Variants in YEATS2 observed in about 807,000 individuals in gnomAD.
The protein encoded by YEATS2 is YEATS domain-containing protein 2.
A neutral mutation model predicts 163.2 loss-of-function variants in YEATS2; 77 were observed. The observed-to-expected ratio is 0.47, with a 90% CI of 0.39 to 0.57. YEATS2 has a LOEUF of 0.57. Among genes scored for constraint, YEATS2 ranks in the 20% least tolerant of loss-of-function variants. The pLI, the probability that YEATS2 is intolerant of heterozygous loss-of-function variation, is 0.00. For synonymous variants in YEATS2, 631 were observed against 645.1 expected, an observed-to-expected ratio of 0.98 and a Z score of 0.33; for missense variants, 1,549 against 1,729.8, an observed-to-expected ratio of 0.90 and a Z score of 1.85.
At chr3:183,780,062 T>C (rs1222511722) in intron 19 of YEATS2, among the ~76,000 whole-genome samples, 1 of 151,862 alleles carries the variant, frequency 6.6e-6, no homozygotes, top group Non-Finnish European at 1.5e-5. Flanking sequence ...GAGAAAACTT[T>C]AAATTGCTGT....
At chr3:183,795,924 T>C (rs1725101648) in intron 21 of YEATS2, among the ~76,000 whole-genome samples, 2 of 151,938 alleles carry the variant, frequency 1.3e-5, no homozygotes. Context: ...TTCCTTTCCT[T>C]AGCTCAGACC....
At chr3:183,775,787 C>A (rs531210366) in intron 17 of YEATS2, 128 bp from the exon 18 acceptor site, 5 of 1,408,112 alleles carry the variant, frequency 3.6e-6, no homozygotes, top group Non-Finnish European at 4.9e-6. Context: ...ACAGAAAAGA[C>A]GGAGGAAAAT....
In YEATS2 at chr3:183,701,400, T is replaced by A. The variant is rs181826416; in HGVS notation, c.-20+3407T>A. 1.7e-3 allele frequency among the ~76,000 whole-genome samples: 260 copies of A among 151,136 alleles called. 2 individuals carry two copies. The highest frequency in any genetic ancestry group is 1.7e-3 in the South Asian group (8 of 4,764). Reference sequence around the variant, plus strand: ...GCGCCCGGCCGGTCAATATATATATTTTTTGAGACAGGGTCTGTCTCTGTC... The same window carrying A: ...GCGCCCGGCCGGTCAATATATATATATTTTGAGACAGGGTCTGTCTCTGTC... On this transcript the variant is annotated intron_variant, in intron 1 of 30. Coordinates refer to ENST00000305135, the MANE Select transcript of YEATS2 (RefSeq NM_018023.5).
intron 9 of YEATS2, 139 bp downstream of exon 9, chr3:183,747,855 C>G (rs1719719264): frequency 1.6e-6 from 1 of 613,526 alleles, no homozygotes; most frequent in Non-Finnish European, 2.8e-6. Flanking sequence ...TCTCGGCTCA[C>G]TGCAACCTCT....
At chr3:183,734,899 T>C (rs533135983) in intron 7 of YEATS2, among the ~76,000 whole-genome samples, 7 of 152,368 alleles carry the variant, frequency 4.6e-5, no homozygotes, top group African/African-American at 1.7e-4. Flanking sequence ...TCTAGAAGTA[T>C]TGAAGTTTGT....
intron 20 of YEATS2, among the ~76,000 whole-genome samples, chr3:183,788,344 T>C (rs1724267820): frequency 6.6e-6 from 1 of 152,146 alleles, no homozygotes; most frequent in Non-Finnish European, 1.5e-5. Flanking sequence ...TTCTTCTCTC[T>C]GTCTTCATGG....
rs1411514860 is a variant in YEATS2 at position 183,759,114 on chromosome 3, A to G, written c.1656+149A>G. The G allele has an allele frequency of 1.6e-5, 9 of 576,752 alleles. No individual in the cohort carries two copies. In the East Asian group the frequency reaches 2.0e-4, roughly 13 times the overall value. 35.7% of individuals were successfully genotyped at this position (576,752 alleles called of 1,614,324 possible). ...CAAGAGATCTGCCACCTCACCTGCC[A>G]GGGTACTGCGGTTACAGGCATGAGC... On this transcript the variant is annotated intron_variant, in intron 13 of 30. Coordinates refer to ENST00000305135, the MANE Select transcript of YEATS2 (RefSeq NM_018023.5).
At chr3:183,799,106 T>C (rs571023731) in intron 23 of YEATS2, 117 bp downstream of exon 23, 7 of 808,000 alleles carry the variant, frequency 8.7e-6, no homozygotes, top group Admixed American at 2.1e-5. Flanking sequence ...TCTGAATCTT[T>C]TGAATTTTCA....
At chr3:183,801,678 G>T in intron 25 of YEATS2, 150 bp downstream of exon 25, 2 of 546,398 alleles carry the variant, frequency 3.7e-6, no homozygotes, top group South Asian at 3.2e-5. Flanking sequence ...CCATTTGCAA[G>T]GGTTTTAGAA....
rs551070950 is a variant in YEATS2 at position 183,727,989 on chromosome 3, A to C, written c.651-701A>C. On this transcript the variant is annotated intron_variant, in intron 6 of 30. Transcript: ENST00000305135. ...AATAGCACACCGAATAAGGAGAACA[A>C]CACAAACTTTTAACAGAATGTCCCT... is the stretch of plus-strand genomic sequence containing the variant. Among the ~76,000 whole-genome samples the C allele has an allele frequency of 2.6e-5, 4 of 152,276 alleles. No homozygotes were observed. In the South Asian group the frequency reaches 6.2e-4, roughly 24 times the overall value.
rs541958357 is a variant in YEATS2 at position 183,770,308 on chromosome 3, C to T, written c.1948-1997C>T. Among the ~76,000 whole-genome samples, 511 of 151,784 alleles carry T rather than the reference C, an allele frequency of 3.4e-3. 2 individuals are homozygous for T. The highest frequency in any genetic ancestry group is 0.014 in the Middle Eastern group (4 of 294). ...CTGAGGCAGGAGAATGGCATGAACC[C>T]GTGAGGCGGAGGTTGCAGTGAGCCG... is the stretch of plus-strand genomic sequence containing the variant. On this transcript the variant is annotated intron_variant, in intron 15 of 30. Coordinates refer to ENST00000305135, the MANE Select transcript of YEATS2 (RefSeq NM_018023.5).
chr3:183,774,494 G>C (rs952386291), intron 17 of YEATS2, among the ~76,000 whole-genome samples: 22 of 152,086 alleles, frequency 1.4e-4, no homozygotes, highest in African/African-American at 5.3e-4. Flanking sequence ...CAAAGCTTGG[G>C]GACAGCTGGT....
chr3:183,775,753 CTCTTG>C (rs1375986632), intron 17 of YEATS2, among the ~76,000 whole-genome samples, 157 bp from the exon 18 acceptor site: 2 of 152,136 alleles, frequency 1.3e-5, no homozygotes, highest in African/African-American at 4.8e-5. Flanking sequence ...GTTCTCCTCA[CTCTTG>C]TCACAGGGTA....
chr3:183,809,059 G>C (rs1449561446), intron 29 of YEATS2, 38 bp from the exon 30 acceptor site: 3 of 1,609,766 alleles, frequency 1.9e-6, no homozygotes, highest in Non-Finnish European at 2.6e-6. Flanking sequence ...CCAGCAAGCA[G>C]ATGGCCATTT....
At chr3:183,784,070 T>C (rs1399342999) in intron 19 of YEATS2, among the ~76,000 whole-genome samples, 2 of 152,176 alleles carry the variant, frequency 1.3e-5, no homozygotes, top group Non-Finnish European at 2.9e-5. Context: ...CATGGCCAGC[T>C]AACTTTTTAT....
At chr3:183,794,440 T>A (rs1450986822) in intron 21 of YEATS2, among the ~76,000 whole-genome samples, 3 of 152,248 alleles carry the variant, frequency 2.0e-5, no homozygotes, top group Non-Finnish European at 4.4e-5. Context: ...GCAAGAACAT[T>A]ACTTTCAGTC....
intron 8 of YEATS2, among the ~76,000 whole-genome samples, chr3:183,747,283 A>G (rs773573646): frequency 1.7e-4 from 26 of 152,122 alleles, no homozygotes; most frequent in Non-Finnish European, 2.8e-4. Context: ...AACCTCATCT[A>G]TGTGGCTGCA....
In YEATS2 at chr3:183,810,508, C is replaced by T. The variant is rs374140471; in HGVS notation, c.4194C>T (p.His1398=). 3.1e-5 allele frequency: 50 copies of T among 1,614,028 alleles called. No homozygotes were observed. The highest frequency in any genetic ancestry group is 4.2e-5 in the Non-Finnish European group (49 of 1,180,016). ...AAGAAATTACAGTGAGTAATATTCACCAGGCCATTTGCAACATTCCTTTTC... is the reference window on the plus strand; with the variant it reads ...AAGAAATTACAGTGAGTAATATTCATCAGGCCATTTGCAACATTCCTTTTC... ...IPKEITVSNI[H]QAICNIPFLD... is the part of the protein sequence containing the mutation. Residue 1398 remains histidine, a synonymous_variant, in exon 31 of 31, where the codon CAC becomes CAT. Transcript: ENST00000305135.
At position 183,742,062 on chromosome 3, in the gene YEATS2, T is replaced by G. The variant is rs1719034690; in HGVS notation, c.924+5233T>G. ...CATCTCTACAAAAAAAAAAAAAAAT[T>G]AGCTGGACATGGTGGCGCTTGCCTG... is the stretch of plus-strand genomic sequence containing the variant. On this transcript the variant is annotated intron_variant, in intron 8 of 30. Coordinates refer to ENST00000305135, the MANE Select transcript of YEATS2 (RefSeq NM_018023.5). Among the ~76,000 whole-genome samples, 3 of 148,888 alleles carry G rather than the reference T, an allele frequency of 2.0e-5. No homozygotes were observed. The South Asian group carries it at 6.4e-4, about 32-fold the overall frequency.
Sources: gnomAD v4.1 joint callset for allele counts (sites outside exome capture counted in the v4.1 genomes callset) on GRCh38, gnomAD v4.1.1 for gene constraint, MANE v1.5 for transcripts, NCBI Gene and HGNC (gene_info 2026-07-23, HGNC 2026-07-21) for gene names.